TMC7: variants seen among roughly 807,000 people sequenced by gnomAD.
TMC7 encodes the protein transmembrane channel like 7.
TMC7 carries 54 observed loss-of-function variants against 82.9 expected under a neutral mutation model. The observed-to-expected ratio is 0.65, with a 90% CI of 0.52 to 0.82. The LOEUF is 0.82. TMC7 is among the 40% of genes least tolerant of loss of function. The pLI, the probability that TMC7 is intolerant of heterozygous loss-of-function variation, is 0.00. For synonymous variants in TMC7, 350 were observed against 337.9 expected (o/e 1.04, Z -0.39); for missense variants, 820 against 901.2 (o/e 0.91, Z 1.15).
At chr16:18,999,229 G>A (rs2039098527) in intron 1 of TMC7, among the ~76,000 whole-genome samples, 1 of 152,128 alleles carries the variant, frequency 6.6e-6, no homozygotes, top group African/African-American at 2.4e-5. Flanking sequence ...TGAACTCCTG[G>A]GTTCAAGCAA....
intron 8 of TMC7, among the ~76,000 whole-genome samples, chr16:19,039,243 A>G (rs576426267): frequency 4.6e-5 from 7 of 151,950 alleles, no homozygotes; most frequent in Admixed American, 6.6e-5. Context: ...GGCACCCGCC[A>G]ACACACCTGG....
chr16:19,051,887 C>T (rs367625726), intron 13 of TMC7, 71 bp downstream of exon 13: 17 of 1,572,098 alleles, frequency 1.1e-5, no homozygotes, highest in African/African-American at 1.4e-5. Context: ...TAAAAGCGTC[C>T]GTCATATCAC....
chr16:19,060,071 C>T, intron 15 of TMC7: 1 of 174,140 alleles, frequency 5.7e-6, no homozygotes, highest in Non-Finnish European at 1.2e-5. Flanking sequence ...AGAGACAAAG[C>T]TGCTGGGTAG....
intron 1 of TMC7, chr16:18,984,691 A>G (rs1567493414): frequency 5.3e-6 from 1 of 189,406 alleles, no homozygotes; most frequent in African/African-American, 2.4e-5. Context: ...AGTGCCTGGC[A>G]TTGTGGCTAG....
chr16:18,991,999 A>G (rs1270001064), intron 1 of TMC7, among the ~76,000 whole-genome samples: 4 of 151,718 alleles, frequency 2.6e-5, no homozygotes, highest in East Asian at 1.9e-4. Context: ...TCTATCATTG[A>G]TAGACATTTG....
At chr16:19,016,252 G>A (rs1959684252) in intron 2 of TMC7, among the ~76,000 whole-genome samples, 198 bp from the exon 3 acceptor site, 1 of 151,722 alleles carries the variant, frequency 6.6e-6, no homozygotes, top group African/African-American at 2.4e-5. Context: ...CACCACACCT[G>A]GCTAATTTTG....
intron 6 of TMC7, 23 bp from the exon 7 acceptor site, chr16:19,035,653 G>T (rs771086000): frequency 6.2e-7 from 1 of 1,614,082 alleles, no homozygotes; most frequent in Admixed American, 1.7e-5. Flanking sequence ...TCTATAAGAA[G>T]GATGATTGTG....
chr16:19,009,146 T>G, intron 1 of TMC7, 26 bp from the exon 2 acceptor site: 1 of 1,606,034 alleles, frequency 6.2e-7, no homozygotes, highest in Non-Finnish European at 8.5e-7. Context: ...CTGGAGTGAA[T>G]GATGACTTTC....
intron 2 of TMC7, among the ~76,000 whole-genome samples, chr16:19,010,257 C>T (rs77806701): frequency 0.3 from 45,458 of 150,194 alleles, 7,092 homozygotes; most frequent in Non-Finnish European, 0.33. Flanking sequence ...TGGATTCAAG[C>T]GATTCTCCTG....
intron 3 of TMC7, 81 bp from the exon 4 acceptor site, chr16:19,021,548 C>G (rs1331454944): frequency 7.5e-6 from 11 of 1,465,636 alleles, no homozygotes; most frequent in Non-Finnish European, 1.0e-5. Context: ...CCTCCAGCTT[C>G]AGCTTTTGTG....
At chr16:19,024,663 A>G (rs1170545341) in intron 5 of TMC7, among the ~76,000 whole-genome samples, 2 of 151,766 alleles carry the variant, frequency 1.3e-5, no homozygotes, top group African/African-American at 4.8e-5. Context: ...GGCTTAAACG[A>G]TTTTCCCAAG....
intron 3 of TMC7, among the ~76,000 whole-genome samples, chr16:19,018,526 C>A (rs1300848040): frequency 1.3e-5 from 2 of 152,128 alleles, no homozygotes; most frequent in Non-Finnish European, 2.9e-5. Flanking sequence ...CTAATCACCT[C>A]CCAAAGGCTC....
intron 1 of TMC7, among the ~76,000 whole-genome samples, chr16:19,002,730 C>G (rs1322495994): frequency 6.6e-6 from 1 of 152,164 alleles, no homozygotes; most frequent in East Asian, 1.9e-4. Context: ...CCCCAGTGAC[C>G]AAGAAGTTCT....
chr16:19,004,112 A>G (rs4438288), intron 1 of TMC7, among the ~76,000 whole-genome samples: 70,198 of 151,478 alleles, frequency 0.46, 18,983 homozygotes, highest in East Asian at 0.76. Flanking sequence ...GGCGTGAGAA[A>G]TGAGGTGACG....
intron 12 of TMC7, among the ~76,000 whole-genome samples, chr16:19,047,865 T>C (rs1308089812): frequency 6.7e-6 from 1 of 149,840 alleles, no homozygotes. Flanking sequence ...AGGTGCGCTG[T>C]GATTTTTGTA....
chr16:19,012,020 T>C (rs376920665), intron 2 of TMC7: 6 of 151,584 alleles, frequency 4.0e-5, no homozygotes, highest in African/African-American at 1.5e-4. Context: ...TGCACTCCTG[T>C]AGTCTCAGCT....
At chr16:19,042,201 T>A (rs1193272387) in intron 9 of TMC7, among the ~76,000 whole-genome samples, 1 of 151,988 alleles carries the variant, frequency 6.6e-6, no homozygotes, top group East Asian at 1.9e-4. Context: ...TTATTTATTT[T>A]TTTTGAGACT....
Position 19,007,133 on chromosome 16 carries a change from G to A in TMC7, c.68-2039G>A, listed in dbSNP as rs543231830. The stretch of plus-strand genomic sequence containing the variant: ...AGCCACCGTGCCTGGCTGTCCCAGG[G>A]GTTTGAAGACACGAGCCTGGGGCCT... On this transcript the variant is annotated intron_variant, in intron 1 of 15. Coordinates refer to ENST00000304381, the MANE Select transcript of TMC7 (RefSeq NM_024847.4). Among the ~76,000 whole-genome samples the A allele has an allele frequency of 5.9e-5, 9 of 152,110 alleles. No individual in the cohort carries two copies. The South Asian group carries it at 1.7e-3, about 28-fold the overall frequency.
chr16:19,020,108 C>T (rs1200343488), intron 3 of TMC7, among the ~76,000 whole-genome samples: 1 of 152,140 alleles, frequency 6.6e-6, no homozygotes, highest in Non-Finnish European at 1.5e-5. Flanking sequence ...AAAATATGAT[C>T]ATCCCAACAG....
Sources: allele counts gnomAD v4.1 joint callset (sites outside exome capture counted in the v4.1 genomes callset), GRCh38; gene constraint gnomAD v4.1.1; transcripts MANE v1.5; gene names NCBI Gene and HGNC (gene_info 2026-07-23, HGNC 2026-07-21).